Variants in C1orf21 observed in about 807,000 individuals in gnomAD.
The protein encoded by C1orf21 is chromosome 1 open reading frame 21.
A neutral mutation model predicts 18.7 loss-of-function variants in C1orf21; 3 were observed. The observed-to-expected ratio is 0.16, with a 90% confidence interval of 0.07 to 0.42. The LOEUF (loss-of-function observed/expected upper bound fraction) is 0.42, where lower values mean the gene tolerates loss of function less well. Ranked by LOEUF, C1orf21 falls within the 10% of genes least tolerant of loss-of-function variation. The pLI is 0.99. For missense variants in C1orf21, 104 were observed against 143.6 expected, an observed-to-expected ratio of 0.72 and a Z score of 1.41; for synonymous variants, 41 against 46.4, an observed-to-expected ratio of 0.88 and a Z score of 0.47.
chr1:184,628,607 A>G lies in C1orf21; in HGVS notation c.*9051A>G, dbSNP rs1251256786. On this transcript the variant is annotated 3_prime_UTR_variant, in exon 6 of 6. Transcript: ENST00000235307. ...AGGAAAGAAAACTCACTCACAAACA[A>G]CATAAATGTAAATAATTCAAAACCC... is the stretch of plus-strand genomic sequence containing the variant. The G allele has an allele frequency of 6.6e-6, 1 of 152,628 alleles. No individual in the cohort carries two copies. The highest frequency in any genetic ancestry group is 1.5e-5 in the Non-Finnish European group (1 of 68,052). The allele number at this position is 152,628 out of a possible 1,614,324, so 9.5% of individuals were successfully genotyped here.
chr1:184,603,662 G>A (rs1164187516), intron 5 of C1orf21, among the ~76,000 whole-genome samples: 1 of 152,162 alleles, frequency 6.6e-6, no homozygotes, highest in Non-Finnish European at 1.5e-5. Flanking sequence ...AGGCCTGATA[G>A]TGCACGCCTA....
intron 3 of C1orf21, among the ~76,000 whole-genome samples, chr1:184,538,455 A>G (rs530977169): frequency 6.6e-6 from 1 of 152,208 alleles, no homozygotes; most frequent in Admixed American, 6.5e-5. Flanking sequence ...GATGAACAAA[A>G]CTTTTCATTT....
intron 5 of C1orf21, among the ~76,000 whole-genome samples, chr1:184,616,728 T>TGTGG: frequency 6.7e-6 from 1 of 150,106 alleles, no homozygotes; most frequent in South Asian, 2.1e-4. Context: ...TGTGTGCACG[T>TGTGG]GTGTGTGTGT....
chr1:184,421,563 G>T (rs142203046), intron 1 of C1orf21, among the ~76,000 whole-genome samples: 1 of 152,042 alleles, frequency 6.6e-6, no homozygotes, highest in African/African-American at 2.4e-5. Context: ...TTCTTCCCAC[G>T]TTTTTCCACC....
intron 1 of C1orf21, among the ~76,000 whole-genome samples, chr1:184,453,082 C>T (rs182088480): frequency 7.8e-4 from 118 of 152,098 alleles, no homozygotes; most frequent in Non-Finnish European, 1.5e-3. Context: ...GGAAGACCTT[C>T]GAGCTGGGAA....
At chr1:184,594,840 T>G (rs1558010715) in intron 4 of C1orf21, among the ~76,000 whole-genome samples, 1 of 152,262 alleles carries the variant, frequency 6.6e-6, no homozygotes, top group African/African-American at 2.4e-5. Context: ...CTTTGCCTTC[T>G]CATACTTTGG....
At chr1:184,434,298 A>G (rs1420048302) in intron 1 of C1orf21, among the ~76,000 whole-genome samples, 1 of 151,684 alleles carries the variant, frequency 6.6e-6, no homozygotes. Context: ...CACTTGATGT[A>G]TATTACCTGA....
At chr1:184,509,729 A>G (rs1658117023) in intron 3 of C1orf21, among the ~76,000 whole-genome samples, 3 of 152,220 alleles carry the variant, frequency 2.0e-5, no homozygotes, top group Admixed American at 6.5e-5. Context: ...TAAAATAAGT[A>G]TCGAGAAGTT....
chr1:184,463,425 C>T (rs1229099228), intron 1 of C1orf21, among the ~76,000 whole-genome samples: 3 of 152,138 alleles, frequency 2.0e-5, no homozygotes, highest in African/African-American at 7.2e-5. Flanking sequence ...ATACTCTCAA[C>T]ATTTGACCTT....
chr1:184,615,228 G>C (rs1026266897), intron 5 of C1orf21, among the ~76,000 whole-genome samples: 2 of 152,138 alleles, frequency 1.3e-5, no homozygotes, highest in Non-Finnish European at 2.9e-5. Flanking sequence ...TAATAATACA[G>C]ATAACTGAAG....
intron 3 of C1orf21, among the ~76,000 whole-genome samples, chr1:184,511,408 G>A (rs1313519331): frequency 6.6e-6 from 1 of 152,134 alleles, no homozygotes; most frequent in Non-Finnish European, 1.5e-5. Context: ...AGGGTACTAT[G>A]TGAAAATAGA....
intron 1 of C1orf21, among the ~76,000 whole-genome samples, chr1:184,448,175 C>T (rs1350190201): frequency 6.6e-6 from 1 of 152,100 alleles, no homozygotes; most frequent in Non-Finnish European, 1.5e-5. Flanking sequence ...CCTCTGCCTC[C>T]TAGGTTCAAG....
intron 1 of C1orf21, among the ~76,000 whole-genome samples, chr1:184,422,673 TA>T (rs1421496099): frequency 6.6e-6 from 1 of 152,228 alleles, no homozygotes; most frequent in Non-Finnish European, 1.5e-5. Context: ...ATGCGGTAGA[TA>T]ATTGGAAGTC....
chr1:184,505,910 G>T (rs544439568), intron 2 of C1orf21, among the ~76,000 whole-genome samples: 1 of 151,650 alleles, frequency 6.6e-6, no homozygotes, highest in African/African-American at 2.4e-5. Flanking sequence ...AATTGTGTTG[G>T]GGGCAAATTT....
intron 3 of C1orf21, among the ~76,000 whole-genome samples, chr1:184,552,363 T>C (rs199616485): frequency 6.6e-6 from 1 of 152,234 alleles, no homozygotes; most frequent in East Asian, 1.9e-4. Flanking sequence ...CTTTTTTTCC[T>C]AAGAAATTGG....
chr1:184,526,043 T>A (rs1393254575), intron 3 of C1orf21, among the ~76,000 whole-genome samples: 1 of 152,236 alleles, frequency 6.6e-6, no homozygotes, highest in Non-Finnish European at 1.5e-5. Context: ...GTTGTGAAGC[T>A]ATTCCCATTA....
chr1:184,580,582 C>T (rs1659262084), intron 3 of C1orf21, among the ~76,000 whole-genome samples: 1 of 152,246 alleles, frequency 6.6e-6, no homozygotes, highest in Non-Finnish European at 1.5e-5. Context: ...AACATCATCT[C>T]ATCCCTTCTT....
chr1:184,594,892 C>T (rs1659492008), intron 4 of C1orf21, among the ~76,000 whole-genome samples: 1 of 152,134 alleles, frequency 6.6e-6, no homozygotes, highest in Non-Finnish European at 1.5e-5. Flanking sequence ...TTTTTTAAGA[C>T]ACCAAAAGCG....
chr1:184,521,536 A>G (rs543629876), intron 3 of C1orf21, among the ~76,000 whole-genome samples: 2 of 152,328 alleles, frequency 1.3e-5, no homozygotes, highest in East Asian at 3.9e-4. Flanking sequence ...TACACACTGT[A>G]TGATTCTACT....
Sources: gnomAD v4.1 joint callset for allele counts (sites outside exome capture counted in the v4.1 genomes callset) on GRCh38, gnomAD v4.1.1 for gene constraint, MANE v1.5 for transcripts, NCBI Gene and HGNC (gene_info 2026-07-23, HGNC 2026-07-21) for gene names.